Variants in PLCD3 observed in about 807,000 individuals in gnomAD.
PLCD3 encodes the protein phospholipase C delta 3, also known as 1-phosphatidylinositol 4,5-bisphosphate phosphodiesterase delta-3.
A neutral mutation model predicts 82.8 loss-of-function variants in PLCD3; 62 were observed. The ratio of observed to expected loss-of-function variants is 0.75; its 90% CI spans 0.61 to 0.93. The LOEUF (loss-of-function observed/expected upper bound fraction) is 0.93, where lower values mean the gene tolerates loss of function less well. Among genes scored for constraint, PLCD3 ranks in the 40% least tolerant of loss-of-function variants. PLCD3 has a pLI of 0.00. For missense variants in PLCD3, 1,023 were observed against 1,103.4 expected (o/e 0.93, Z 1.03); for synonymous variants, 478 against 471.8 (o/e 1.01, Z -0.17).
At chr17:45,112,734 C>T (rs746143678) in intron 14 of PLCD3, 30 bp from the exon 15 acceptor site, 15 of 1,594,494 alleles carry the variant, frequency 9.4e-6, no homozygotes, top group Non-Finnish European at 1.3e-5. Flanking sequence ...GCCTCAGGTC[C>T]TCTGTGCACC....
rs982668515 is a variant in PLCD3 at position 45,118,798 on chromosome 17, C to T, written c.913+17G>A. 106 of 1,589,736 alleles carry T rather than the reference C, an allele frequency of 6.7e-5. No individual in the cohort carries two copies. The highest frequency in any genetic ancestry group is 8.9e-5 in the South Asian group (8 of 89,970). Reference sequence around the variant, plus strand: ...GCCCTTTCAGGTGCCACGACCTGGCCGTGCCACCCCCCCCACCTGTCTCGT... The same window carrying T: ...GCCCTTTCAGGTGCCACGACCTGGCTGTGCCACCCCCCCCACCTGTCTCGT... On this transcript the variant is annotated intron_variant, in intron 5 of 14. Transcript: ENST00000619929. This position sits in a 1 kb window ranked among gnomAD's most constrained non-coding sequence, Gnocchi z 4.1.
Position 45,132,470 on chromosome 17 carries a change from C to T in PLCD3, c.-60G>A. The T allele has an allele frequency of 9.3e-7, 1 of 1,077,754 alleles. No homozygotes were observed. Among genetic ancestry groups the T allele is most frequent in the Non-Finnish European group, 1.2e-6 (1 of 865,792 alleles). The allele number at this position is 1,077,754 out of a possible 1,614,324, so 66.8% of individuals were successfully genotyped here. ...TGCACGCGGGGACAGGGCAGCGGGG[C>T]GCCGCTCTGGCCCGGCCCCGGCTCT... On this transcript the variant is annotated 5_prime_UTR_variant, in exon 1 of 15. Transcript: ENST00000619929. The surrounding 1 kb of genome is among the most constrained non-coding windows in gnomAD (Gnocchi z 4.6).
Position 45,121,261 on chromosome 17 carries a change from AG to A in PLCD3, c.274del (p.Leu92Ter). The A allele has an allele frequency of 6.3e-7, 1 of 1,592,244 alleles. No individual in the cohort carries two copies. The highest frequency in any genetic ancestry group is 2.3e-5 in the East Asian group (1 of 44,402). On this transcript the variant is annotated frameshift_variant, in exon 2 of 15. Transcript: ENST00000619929. LOFTEE classifies it high-confidence loss of function. ...GATGCGCCGCTGGAACCACACGCTC[AG>A]GCCGTCCTCCTGCAGCCGGTACAGC... The part of the protein sequence containing the change: ...ERLYRLQEDG[L>X]SVWFQRRIPR...
In PLCD3 at chr17:45,132,424, G is replaced by T. The variant is rs1342895072; in HGVS notation, c.-14C>A. The T allele has an allele frequency of 2.5e-6, 3 of 1,202,840 alleles. No individual in the cohort carries two copies. Among genetic ancestry groups the T allele is most frequent in the Non-Finnish European group, 3.1e-6 (3 of 969,024 alleles). The allele number at this position is 1,202,840 out of a possible 1,614,324, so 74.5% of individuals were successfully genotyped here. ...GCCGCACAGCATGGCTTGGCGGGGGGCCGGGGCCGGGCCCGGGGTCTGCAC... is the reference window on the plus strand; with the variant it reads ...GCCGCACAGCATGGCTTGGCGGGGGTCCGGGGCCGGGCCCGGGGTCTGCAC... On this transcript the variant is annotated 5_prime_UTR_variant, in exon 1 of 15. Transcript: ENST00000619929. This position sits in a 1 kb window ranked among gnomAD's most constrained non-coding sequence, Gnocchi z 4.6.
chr17:45,115,943 G>A (rs1055793718), intron 8 of PLCD3, among the ~76,000 whole-genome samples: 2 of 152,248 alleles, frequency 1.3e-5, no homozygotes, highest in African/African-American at 4.8e-5. Flanking sequence ...AAAGAGGACA[G>A]GTCAGTGGAG....
Position 45,118,394 on chromosome 17 carries a change from C to T in PLCD3, c.1012G>A (p.Asp338Asn), listed in dbSNP as rs763217999. Residue 338 changes from aspartate to asparagine, a missense_variant, in exon 6 of 15, where the codon GAC becomes AAC. By Grantham distance (23) the Asp-to-Asn change is conservative. Coordinates refer to ENST00000619929, the MANE Select transcript of PLCD3 (RefSeq NM_133373.5). This position sits in a 1 kb window ranked among gnomAD's most constrained non-coding sequence, Gnocchi z 4.1. ...LDNTHTCVFQ[D>N]MNQPLAHYFI... ...TAGTGGGCAAGGGGCTGGTTCATGT[C>T]CTGGAACACACACGTGTGGGTGTTG... 2 of 1,614,038 alleles carry T rather than the reference C, an allele frequency of 1.2e-6. No individual in the cohort carries two copies. The highest frequency in any genetic ancestry group is 1.7e-5 in the Admixed American group (1 of 60,032).
chr17:45,122,357 A>G (rs1366202210), intron 1 of PLCD3, among the ~76,000 whole-genome samples: 1 of 152,224 alleles, frequency 6.6e-6, no homozygotes, highest in East Asian at 1.9e-4. Context: ...ATAAATAAAT[A>G]AAAGCATCTC....
In PLCD3 at chr17:45,132,109, G is replaced by T. The variant is rs1250129878; in HGVS notation, c.163+139C>A. 7 of 954,074 alleles carry T rather than the reference G, an allele frequency of 7.3e-6. No individual in the cohort carries two copies. The highest frequency in any genetic ancestry group is 9.5e-6 in the Non-Finnish European group (7 of 735,836). 59.1% of individuals were successfully genotyped at this position (954,074 alleles called of 1,614,324 possible). On this transcript the variant is annotated intron_variant, in intron 1 of 14. Transcript: ENST00000619929. This position sits in a 1 kb window ranked among gnomAD's most constrained non-coding sequence, Gnocchi z 4.6. Reference sequence around the variant, plus strand: ...CCCAGGTGCGACCCCCAGCTGGAGGGAGCTGGCCCTCCGCCCCTAGCCATA... The same window carrying T: ...CCCAGGTGCGACCCCCAGCTGGAGGTAGCTGGCCCTCCGCCCCTAGCCATA...
chr17:45,118,273 C>T lies in PLCD3; in HGVS notation c.1115+18G>A. On this transcript the variant is annotated intron_variant, in intron 6 of 14. Transcript: ENST00000619929. This position sits in a 1 kb window ranked among gnomAD's most constrained non-coding sequence, Gnocchi z 4.1. The stretch of plus-strand genomic sequence containing the variant: ...CCCAGGTGGGGCTCCCGGAAACATT[C>T]ACCCCCTGCTACAGTACCTAACATA... 6.2e-7 allele frequency: 1 copy of T among 1,613,740 alleles called. No homozygotes were observed. The highest frequency in any genetic ancestry group is 8.5e-7 in the Non-Finnish European group (1 of 1,179,722).
chr17:45,129,581 C>T (rs563920469), intron 1 of PLCD3, among the ~76,000 whole-genome samples: 4 of 152,240 alleles, frequency 2.6e-5, no homozygotes, highest in Non-Finnish European at 4.4e-5. Context: ...TTCACCCCTC[C>T]GCCTTGAGCT....
chr17:45,115,127 C>T lies in PLCD3; in HGVS notation c.1678G>A (p.Glu560Lys), dbSNP rs769169030. Reference sequence around the variant, plus strand: ...CGAATGAGTTTCTTGGCTTTGCGCTCGCTGAGGGAGCTGACCTGGCAGGGT... The same window carrying T: ...CGAATGAGTTTCTTGGCTTTGCGCTTGCTGAGGGAGCTGACCTGGCAGGGT... ...PQPCQVSSLS[E>K]RKAKKLIREA... Residue 560 changes from glutamate (E) to lysine (K), a missense_variant, in exon 10 of 15, where the codon GAG becomes AAG. Physicochemically the swap from Glu to Lys is moderately conservative, Grantham distance 56. Coordinates refer to ENST00000619929, the MANE Select transcript of PLCD3 (RefSeq NM_133373.5). 10 of 1,601,918 alleles carry T rather than the reference C, an allele frequency of 6.2e-6. No homozygotes were observed. Among genetic ancestry groups the T allele is most frequent in the East Asian group, 2.3e-5 (1 of 44,402 alleles).
intron 4 of PLCD3, 170 bp from the exon 5 acceptor site, chr17:45,119,213 A>C: frequency 1.6e-6 from 1 of 623,090 alleles, no homozygotes; most frequent in Non-Finnish European, 2.8e-6. Context: ...ATTACAGGGC[A>C]GGATTTTTTG....
At position 45,116,406 on chromosome 17, in the gene PLCD3, C is replaced by T. The variant is rs1407091081; in HGVS notation, c.1413+226G>A. Among the ~76,000 whole-genome samples, 3 of 146,270 alleles carry T rather than the reference C, an allele frequency of 2.1e-5. No homozygotes were observed. The East Asian group carries it at 6.1e-4, about 30-fold the overall frequency. On this transcript the variant is annotated intron_variant, in intron 8 of 14. Coordinates refer to ENST00000619929, the MANE Select transcript of PLCD3 (RefSeq NM_133373.5). ...GGGCCAGCAGGGCAAAGCCAGGTTA[C>T]AGAAGAGGGTGTGTGTGTGGGGGGG...
At chr17:45,128,560 C>T (rs767127198) in intron 1 of PLCD3, among the ~76,000 whole-genome samples, 1 of 152,224 alleles carries the variant, frequency 6.6e-6, no homozygotes, top group Non-Finnish European at 1.5e-5. Flanking sequence ...ATGGGCCGAG[C>T]CCTCTCGCTC....
At chr17:45,128,869 C>T (rs1334571405) in intron 1 of PLCD3, among the ~76,000 whole-genome samples, 1 of 152,212 alleles carries the variant, frequency 6.6e-6, no homozygotes, top group Non-Finnish European at 1.5e-5. Context: ...CTCCTGGGGG[C>T]TGGCAGGGCC....
chr17:45,110,424 A>T lies in PLCD3; in HGVS notation c.*2192T>A, dbSNP rs1159055458. ...ACGCCATCGCACTCCATCCTGGGGG[A>T]CGAGCAAGACTTTGTCTCAAAAGAA... On this transcript the variant is annotated 3_prime_UTR_variant, in exon 15 of 15. Coordinates refer to ENST00000619929, the MANE Select transcript of PLCD3 (RefSeq NM_133373.5). 6.8e-6 allele frequency: 1 copy of T among 147,422 alleles called. No homozygotes were observed. Among genetic ancestry groups the T allele is most frequent in the African/African-American group, 2.5e-5 (1 of 39,234 alleles). 9.1% of individuals were successfully genotyped at this position (147,422 alleles called of 1,614,324 possible).
At chr17:45,114,991 G>C in intron 10 of PLCD3, 103 bp downstream of exon 10, 1 of 1,449,734 alleles carries the variant, frequency 6.9e-7, no homozygotes, top group Non-Finnish European at 9.2e-7. Context: ...GGGTCCTCTT[G>C]ACCTCTTTAC....
At chr17:45,122,236 G>A (rs1425210214) in intron 1 of PLCD3, among the ~76,000 whole-genome samples, 1 of 152,166 alleles carries the variant, frequency 6.6e-6, no homozygotes, top group East Asian at 1.9e-4. Context: ...CCAGGCATGG[G>A]AGGCTGAGGC....
rs12948326 is a variant in PLCD3, at chr17:45,110,749, T to G, written c.*1867A>C. Reference sequence around the variant, plus strand: ...AGCCTGACCCTCTGACAGCCCTGAGTGCCAGATGCCCGGGCTGCCTGGCCC... The same window carrying G: ...AGCCTGACCCTCTGACAGCCCTGAGGGCCAGATGCCCGGGCTGCCTGGCCC... On this transcript the variant is annotated 3_prime_UTR_variant, in exon 15 of 15. Coordinates refer to ENST00000619929, the MANE Select transcript of PLCD3 (RefSeq NM_133373.5). 43,398 of 152,232 alleles carry G rather than the reference T, an allele frequency of 0.29. 7,263 individuals carry two copies. Among genetic ancestry groups the G allele is most frequent in the East Asian group, 0.5 (2,604 of 5,166 alleles). The allele number at this position is 152,232 out of a possible 1,614,324, so 9.4% of individuals were successfully genotyped here. A position where few individuals can be genotyped will look rare whatever the true frequency, so the allele number is the denominator to read the frequency against.
Sources: allele counts gnomAD v4.1 joint callset (sites outside exome capture counted in the v4.1 genomes callset), GRCh38; gene constraint gnomAD v4.1.1; non-coding constraint Gnocchi (gnomAD v3.1); transcripts MANE v1.5; gene names NCBI Gene and HGNC (gene_info 2026-07-23, HGNC 2026-07-21).